SLC1A2: variants seen among roughly 807,000 people sequenced by gnomAD.
SLC1A2 encodes the protein excitatory amino acid transporter 2.
SLC1A2 carries 15 observed loss-of-function variants against 48.8 expected under a neutral mutation model. The ratio of observed to expected loss-of-function variants is 0.31; its 90% CI spans 0.21 to 0.47. The LOEUF (loss-of-function observed/expected upper bound fraction) is 0.47, where lower values mean the gene tolerates loss of function less well. SLC1A2 is among the 20% of genes least tolerant of loss of function. The pLI is 0.99. For synonymous variants in SLC1A2, 279 were observed against 272.6 expected, an observed-to-expected ratio of 1.02 and a Z score of -0.23; for missense variants, 502 against 730.5, an observed-to-expected ratio of 0.69 and a Z score of 3.61.
intron 2 of SLC1A2, 74 bp downstream of exon 2, chr11:35,317,303 A>T: frequency 6.6e-7 from 1 of 1,509,684 alleles, no homozygotes; most frequent in African/African-American, 1.4e-5. Flanking sequence ...CTGGCTGCTG[A>T]GACCAGCTGC....
intron 1 of SLC1A2, among the ~76,000 whole-genome samples, chr11:35,367,832 G>A (rs1853905056): frequency 6.6e-6 from 1 of 152,156 alleles, no homozygotes; most frequent in African/African-American, 2.4e-5. Flanking sequence ...TCCAGTAAGT[G>A]TATTCTAAGA....
chr11:35,340,458 T>C (rs1233899022), intron 1 of SLC1A2, among the ~76,000 whole-genome samples: 1 of 152,236 alleles, frequency 6.6e-6, no homozygotes, highest in Non-Finnish European at 1.5e-5. Context: ...GAATAGGACA[T>C]GAAACAGAGC....
intron 4 of SLC1A2, among the ~76,000 whole-genome samples, chr11:35,310,514 A>C (rs1201746318): frequency 6.6e-6 from 1 of 152,226 alleles, no homozygotes; most frequent in African/African-American, 2.4e-5. Context: ...CTAAAATAGT[A>C]TCTGAAACCA....
intron 1 of SLC1A2, among the ~76,000 whole-genome samples, chr11:35,382,795 C>CAA (rs11352014): frequency 7.8e-6 from 1 of 128,702 alleles, no homozygotes; most frequent in South Asian, 2.4e-4. Context: ...GACTCAGTCT[C>CAA]AAAAAAAAAA....
At chr11:35,348,899 A>G (rs1225323967) in intron 1 of SLC1A2, among the ~76,000 whole-genome samples, 1 of 151,380 alleles carries the variant, frequency 6.6e-6, no homozygotes, top group African/African-American at 2.4e-5. Flanking sequence ...TCTCAAAAAA[A>G]AAAAAAAAAA....
At chr11:35,283,603 T>C (rs1396413680) in intron 8 of SLC1A2, among the ~76,000 whole-genome samples, 3 of 152,152 alleles carry the variant, frequency 2.0e-5, no homozygotes, top group Non-Finnish European at 4.4e-5. Flanking sequence ...CATTCTCCCA[T>C]CTGTAAGTTC....
Position 35,292,465 on chromosome 11 carries a change from C to T in SLC1A2, c.913G>A (p.Asp305Asn). ...LICGKIIAIK[D>N]LEVVARQLGM... is the part of the protein sequence containing the mutation. ...AGTTGCCTAGCAACCACTTCTAAGTCCTTGATTGCAATGATCTTTCCACAG... is the reference window on the plus strand; with the variant it reads ...AGTTGCCTAGCAACCACTTCTAAGTTCTTGATTGCAATGATCTTTCCACAG... Residue 305 changes from aspartate to asparagine, a missense_variant, in exon 7 of 11, where the codon GAC (aspartate) becomes AAC (asparagine). This residue lies in a region of SLC1A2 where 309 missense variants were observed against 480.3 expected (regional missense o/e 0.64). Transcript: ENST00000278379. The T allele has an allele frequency of 6.2e-7, 1 of 1,613,898 alleles. No individual in the cohort carries two copies. The highest frequency in any genetic ancestry group is 1.3e-5 in the African/African-American group (1 of 75,004).
rs1327123381 is a variant in SLC1A2, at chr11:35,317,364, T to G, written c.157+13A>C. 6.2e-7 allele frequency: 1 copy of G among 1,613,396 alleles called. No homozygotes were observed. Among genetic ancestry groups the G allele is most frequent in the Admixed American group, 1.7e-5 (1 of 60,018 alleles). On this transcript the variant is annotated intron_variant, in intron 2 of 10. Transcript: ENST00000278379. ...GAAGAGGGGGCTGGGGGTGGGGTAG[T>G]GCAGGTACCTACCAAACACCGTCAG... is the stretch of plus-strand genomic sequence containing the variant.
intron 9 of SLC1A2, among the ~76,000 whole-genome samples, chr11:35,267,015 T>C (rs1442205956): frequency 8.5e-5 from 13 of 152,170 alleles, no homozygotes; most frequent in Admixed American, 8.5e-4. Context: ...AAAAATATGA[T>C]CAGAGCTGGA....
At chr11:35,406,681 T>C (rs752539849) in intron 1 of SLC1A2, among the ~76,000 whole-genome samples, 2 of 152,010 alleles carry the variant, frequency 1.3e-5, no homozygotes, top group Non-Finnish European at 2.9e-5. Context: ...TGGCTTTGAA[T>C]CTCTAAACAG....
At chr11:35,377,039 G>A (rs1854260205) in intron 1 of SLC1A2, among the ~76,000 whole-genome samples, 1 of 152,216 alleles carries the variant, frequency 6.6e-6, no homozygotes, top group African/African-American at 2.4e-5. Context: ...ATGGCTGACA[G>A]GCAGAATGGT....
rs1163393385 is a variant in SLC1A2, at chr11:35,286,852, G to A, written c.1191C>T (p.Asn397=). 6 of 1,613,918 alleles carry A rather than the reference G, an allele frequency of 3.7e-6. No individual in the cohort carries two copies. The South Asian group carries it at 5.5e-5, about 15-fold the overall frequency. ...RFVLPVGATI[N]MDGTALYEAV... ...CTTCATAAAGGGCTGTACCATCCATGTTAATGGTTGCTCCAACAGGAAGGA... is the reference window on the plus strand; with the variant it reads ...CTTCATAAAGGGCTGTACCATCCATATTAATGGTTGCTCCAACAGGAAGGA... The change falls in exon 8 of 11, where the codon AAC becomes AAT. Residue 397 remains asparagine (N), a synonymous_variant. Transcript: ENST00000278379.
At chr11:35,318,577 C>G (rs760858171) in intron 1 of SLC1A2, among the ~76,000 whole-genome samples, 1 of 152,140 alleles carries the variant, frequency 6.6e-6, no homozygotes, top group African/African-American at 2.4e-5. Flanking sequence ...GGAACCAACA[C>G]CGAGCTGCAG....
rs551228172 is a variant in SLC1A2, at chr11:35,339,386, C to A, written c.18-21870G>T. ...TGGAACTATCCGTTCCACAGGGCAT[C>A]TTCTTATACTCTGCTTTGAAGGGGA... On this transcript the variant is annotated intron_variant, in intron 1 of 10. Coordinates refer to ENST00000278379, the MANE Select transcript of SLC1A2 (RefSeq NM_004171.4). Among the ~76,000 whole-genome samples the A allele has an allele frequency of 3.3e-5, 5 of 152,304 alleles. No individual in the cohort carries two copies. In the South Asian group the frequency reaches 1.0e-3, roughly 32 times the overall value.
rs111353211 is a variant in SLC1A2 at position 35,395,671 on chromosome 11, CTT to C, written c.17+23277_17+23278del. The stretch of plus-strand genomic sequence containing the variant: ...TGAATGTTTGTGTCCCTCCAAACTT[CTT>C]TTTTTTTTTTTTTTAATTATACTTT... On this transcript the variant is annotated intron_variant, in intron 1 of 10. Transcript: ENST00000278379. 9.9e-4 allele frequency among the ~76,000 whole-genome samples: 137 copies of C among 138,792 alleles called. 1 individual carries two copies. Among genetic ancestry groups the C allele is most frequent in the African/African-American group, 3.1e-3 (120 of 38,598 alleles). The allele number at this position is 138,792 out of a possible 152,430, so 91.1% of individuals were successfully genotyped here.
At chr11:35,270,875 G>A (rs1014016308) in intron 9 of SLC1A2, among the ~76,000 whole-genome samples, 1 of 152,196 alleles carries the variant, frequency 6.6e-6, no homozygotes, top group Non-Finnish European at 1.5e-5. Flanking sequence ...ACCAAATCAT[G>A]TATGGCCTTA....
intron 5 of SLC1A2, among the ~76,000 whole-genome samples, chr11:35,303,528 G>A (rs1851414304): frequency 6.6e-6 from 1 of 152,220 alleles, no homozygotes; most frequent in Non-Finnish European, 1.5e-5. Context: ...AGCCCATGGA[G>A]AGGAGTCTGC....
chr11:35,403,161 G>A (rs965247237), intron 1 of SLC1A2, among the ~76,000 whole-genome samples: 3 of 152,192 alleles, frequency 2.0e-5, no homozygotes, highest in Non-Finnish European at 4.4e-5. Context: ...CACACATCCT[G>A]CTTTCATCCA....
chr11:35,254,921 A>T lies in SLC1A2; in HGVS notation c.*5973T>A. Reference sequence around the variant, plus strand: ...AAAAACTGATCAGTAGTTATTCAGGATATTATTTAGGATAAATGAAATAGG... The same window carrying T: ...AAAAACTGATCAGTAGTTATTCAGGTTATTATTTAGGATAAATGAAATAGG... On this transcript the variant is annotated 3_prime_UTR_variant, in exon 11 of 11. Transcript: ENST00000278379. The T allele has an allele frequency of 2.6e-6, 1 of 383,208 alleles. No homozygotes were observed. Among genetic ancestry groups the T allele is most frequent in the Non-Finnish European group, 5.1e-6 (1 of 196,340 alleles). The allele number at this position is 383,208 out of a possible 1,614,324, so 23.7% of individuals were successfully genotyped here. A position where few individuals can be genotyped will look rare whatever the true frequency, so the allele number is the denominator to read the frequency against.
Sources: gnomAD v4.1 joint callset for allele counts (sites outside exome capture counted in the v4.1 genomes callset) on GRCh38, gnomAD v4.1.1 for gene constraint, gnomAD v4.1.1 regional missense constraint, MANE v1.5 for transcripts, NCBI Gene and HGNC (gene_info 2026-07-23, HGNC 2026-07-21) for gene names.